Variants in MYO3B observed in about 807,000 individuals in gnomAD.
MYO3B encodes the protein myosin IIIB.
MYO3B carries 156 observed loss-of-function variants against 174.6 expected under a neutral mutation model. The ratio of observed to expected loss-of-function variants is 0.89; its 90% confidence interval spans 0.78 to 1.02. The LOEUF is 1.02. MYO3B is among the 50% of genes least tolerant of loss of function. The probability of loss-of-function intolerance (pLI) is 0.00; values close to 1 mark genes in which losing one functional copy is unlikely to be tolerated. For synonymous variants in MYO3B, 563 were observed against 569.1 expected (o/e 0.99, Z 0.15); for missense variants, 1,632 against 1,639.4 (o/e 1.00, Z 0.08).
At chr2:170,579,645 G>T (rs1250268920) in intron 32 of MYO3B, among the ~76,000 whole-genome samples, 1 of 152,228 alleles carries the variant, frequency 6.6e-6, no homozygotes, top group African/African-American at 2.4e-5. Context: ...AGGCCCAGAA[G>T]TTGTCAGGGC....
At chr2:170,304,714 G>A (rs557837078) in intron 7 of MYO3B, among the ~76,000 whole-genome samples, 14 of 151,892 alleles carry the variant, frequency 9.2e-5, no homozygotes, top group African/African-American at 3.4e-4. Context: ...TGATCCACCC[G>A]CCTCAGCCAC....
Position 170,443,321 on chromosome 2 carries a change from T to C in MYO3B, c.2651-646T>C, listed in dbSNP as rs1198455672. Among the ~76,000 whole-genome samples, 5 of 152,240 alleles carry C rather than the reference T, an allele frequency of 3.3e-5. No individual in the cohort carries two copies. In the East Asian group the frequency reaches 5.8e-4, roughly 18 times the overall value. Reference sequence around the variant, plus strand: ...TTGAGAAGTGTCTGTTCATATCCTTTGCCCACTTTTTGATGGGGTTGTTTG... The same window carrying C: ...TTGAGAAGTGTCTGTTCATATCCTTCGCCCACTTTTTGATGGGGTTGTTTG... On this transcript the variant is annotated intron_variant, in intron 22 of 34. Coordinates refer to ENST00000408978, the MANE Select transcript of MYO3B (RefSeq NM_138995.5).
At chr2:170,536,851 C>T (rs531005648) in intron 30 of MYO3B, among the ~76,000 whole-genome samples, 2 of 152,172 alleles carry the variant, frequency 1.3e-5, no homozygotes, top group South Asian at 2.1e-4. Context: ...AGTTATATGA[C>T]TTGTTTATCT....
At chr2:170,305,616 T>A (rs2105454991) in intron 7 of MYO3B, among the ~76,000 whole-genome samples, 1 of 152,302 alleles carries the variant, frequency 6.6e-6, no homozygotes, top group East Asian at 1.9e-4. Context: ...CTTTTCCCTG[T>A]GCCCATCATT....
At chr2:170,467,821 A>AAAC in intron 25 of MYO3B, among the ~76,000 whole-genome samples, 1 of 151,808 alleles carries the variant, frequency 6.6e-6, no homozygotes, top group East Asian at 1.9e-4. Context: ...AAGGCAAAAA[A>AAAC]AAAAAAAAAA....
intron 7 of MYO3B, among the ~76,000 whole-genome samples, chr2:170,321,887 G>C (rs933900480): frequency 1.3e-5 from 2 of 152,026 alleles, no homozygotes; most frequent in Non-Finnish European, 2.9e-5. Flanking sequence ...AGGCCGAGGC[G>C]GGTGGATTTT....
At chr2:170,281,757 A>G (rs2093512793) in intron 7 of MYO3B, among the ~76,000 whole-genome samples, 2 of 152,204 alleles carry the variant, frequency 1.3e-5, no homozygotes, top group Non-Finnish European at 2.9e-5. Context: ...ACACAAAAAA[A>G]GCATTCAAAA....
In MYO3B at chr2:170,383,237, C is replaced by T. The variant is rs762690060; in HGVS notation, c.1185+48C>T. ...ACTGCTCCTTAATAGGAAATTAAAA[C>T]TCACAAGGGCAAATGAAGAGAAAGA... On this transcript the variant is annotated intron_variant, in intron 11 of 34. Coordinates refer to ENST00000408978, the MANE Select transcript of MYO3B (RefSeq NM_138995.5). The T allele has an allele frequency of 3.5e-6, 4 of 1,131,144 alleles. No individual in the cohort carries two copies. In the South Asian group the frequency reaches 5.2e-5, roughly 15 times the overall value. The allele number at this position is 1,131,144 out of a possible 1,614,324, so 70.1% of individuals were successfully genotyped here.
chr2:170,263,725 A>G (rs1045851165), intron 7 of MYO3B, among the ~76,000 whole-genome samples: 6 of 152,096 alleles, frequency 3.9e-5, no homozygotes, highest in African/African-American at 1.2e-4. Flanking sequence ...TTTTACACCG[A>G]GACATTCCAT....
chr2:170,490,153 C>T (rs563855959), intron 25 of MYO3B, among the ~76,000 whole-genome samples: 162 of 151,838 alleles, frequency 1.1e-3, no homozygotes, highest in Non-Finnish European at 1.9e-3. Context: ...CTCAGCCTCC[C>T]GAGTAGCTGG....
At chr2:170,604,489 TA>T (rs1190744439) in intron 32 of MYO3B, among the ~76,000 whole-genome samples, 4 of 152,118 alleles carry the variant, frequency 2.6e-5, no homozygotes, top group Non-Finnish European at 2.9e-5. Context: ...ATTTTAAAAA[TA>T]AAATTTATAA....
chr2:170,193,486 G>A (rs968793088), intron 1 of MYO3B, among the ~76,000 whole-genome samples: 2 of 151,798 alleles, frequency 1.3e-5, no homozygotes, highest in Non-Finnish European at 2.9e-5. Flanking sequence ...TTTTTTCTAT[G>A]TTTTGACCTT....
At chr2:170,633,226 A>C (rs1697170248) in intron 32 of MYO3B, among the ~76,000 whole-genome samples, 1 of 152,228 alleles carries the variant, frequency 6.6e-6, no homozygotes, top group Non-Finnish European at 1.5e-5. Flanking sequence ...TCCTCAATAA[A>C]ATACTGGCAA....
chr2:170,368,863 T>G (rs1186812282), intron 8 of MYO3B, among the ~76,000 whole-genome samples: 1 of 152,220 alleles, frequency 6.6e-6, no homozygotes, highest in East Asian at 1.9e-4. Context: ...AAAGAAAGTA[T>G]ACATACAAAT....
intron 30 of MYO3B, among the ~76,000 whole-genome samples, chr2:170,533,145 C>T (rs1373214391): frequency 6.6e-6 from 1 of 152,126 alleles, no homozygotes; most frequent in Non-Finnish European, 1.5e-5. Context: ...TCATCATTGC[C>T]GTGCTCAGTG....
At chr2:170,522,445 C>T (rs1688730796) in intron 30 of MYO3B, among the ~76,000 whole-genome samples, 1 of 152,246 alleles carries the variant, frequency 6.6e-6, no homozygotes, top group Non-Finnish European at 1.5e-5. Context: ...TCCAAATACT[C>T]TTTCCTGGTC....
intron 23 of MYO3B, among the ~76,000 whole-genome samples, chr2:170,458,031 G>C (rs996321120): frequency 2.6e-5 from 4 of 152,176 alleles, no homozygotes; most frequent in African/African-American, 9.7e-5. Context: ...TGGGATTACA[G>C]GCATGAGCTA....
At chr2:170,640,656 A>T (rs1697888679) in intron 32 of MYO3B, 1 of 152,168 alleles carries the variant, frequency 6.6e-6, no homozygotes, top group South Asian at 2.1e-4. Flanking sequence ...CTTTAAGGAG[A>T]AAGTCTTAAT....
At chr2:170,280,319 T>C (rs2093498724) in intron 7 of MYO3B, among the ~76,000 whole-genome samples, 2 of 152,180 alleles carry the variant, frequency 1.3e-5, no homozygotes, top group Admixed American at 1.3e-4. Flanking sequence ...TGTTTTTTTT[T>C]CTCTTATAAA....
Sources: allele counts gnomAD v4.1 joint callset (sites outside exome capture counted in the v4.1 genomes callset), GRCh38; gene constraint gnomAD v4.1.1; transcripts MANE v1.5; gene names NCBI Gene and HGNC (gene_info 2026-07-23, HGNC 2026-07-21).